PMFBP1: variants seen among roughly 807,000 people sequenced by gnomAD.
PMFBP1 encodes the protein polyamine-modulated factor 1-binding protein 1.
Under a neutral mutation model 137.8 loss-of-function variants are expected in PMFBP1, and 131 were observed. The observed-to-expected ratio is 0.95, with a 90% CI of 0.82 to 1.10. The LOEUF is 1.10. Ranked by LOEUF, PMFBP1 falls within the 50% of genes least tolerant of loss-of-function variation. The probability of loss-of-function intolerance (pLI) is 0.00; values close to 1 mark genes in which losing one functional copy is unlikely to be tolerated. For synonymous variants in PMFBP1, 490 were observed against 450.4 expected, an observed-to-expected ratio of 1.09 and a Z score of -1.11; for missense variants, 1,199 against 1,175.4, an observed-to-expected ratio of 1.02 and a Z score of -0.29.
At chr16:72,138,666 C>T (rs1489194831) in intron 7 of PMFBP1, among the ~76,000 whole-genome samples, 3 of 152,102 alleles carry the variant, frequency 2.0e-5, no homozygotes, top group South Asian at 4.2e-4. Context: ...CAGGTACCCA[C>T]CACCACACCT....
At chr16:72,189,959 G>C in the PMFBP1 span, among the ~76,000 whole-genome samples, 1 of 152,108 alleles carries the variant, frequency 6.6e-6, no homozygotes, top group Non-Finnish European at 1.5e-5. Flanking sequence ...GGGACTGGTT[G>C]AGTCATGAGT....
the PMFBP1 span, among the ~76,000 whole-genome samples, chr16:72,186,083 A>T: frequency 6.6e-6 from 1 of 152,136 alleles, no homozygotes; most frequent in Admixed American, 6.5e-5. Context: ...TCCCTCTGGG[A>T]CTATATGTTC....
chr16:72,202,139 A>T, the PMFBP1 span, among the ~76,000 whole-genome samples: 1 of 152,188 alleles, frequency 6.6e-6, no homozygotes, highest in Non-Finnish European at 1.5e-5. Context: ...TGAATGAATC[A>T]GTGAGTGAAT....
chr16:72,122,773 T>C (rs79536331), intron 19 of PMFBP1, 141 bp downstream of exon 19: 11,162 of 687,560 alleles, frequency 0.016, 121 homozygotes, highest in Non-Finnish European at 0.023. Context: ...TAGATGCAGA[T>C]TCGAGACCTG....
chr16:72,136,619 G>A lies in PMFBP1; in HGVS notation c.1046-14C>T, dbSNP rs1382159754. 8 of 1,613,950 alleles carry A rather than the reference G, an allele frequency of 5.0e-6. No individual in the cohort carries two copies. Among genetic ancestry groups the A allele is most frequent in the Non-Finnish European group, 6.8e-6 (8 of 1,179,982 alleles). On this transcript the variant is annotated splice_polypyrimidine_tract_variant and intron_variant, in intron 8 of 20. Coordinates refer to ENST00000237353, the MANE Select transcript of PMFBP1 (RefSeq NM_031293.3). The stretch of plus-strand genomic sequence containing the variant: ...GCTTCATCATGTCTACCATGGGGCG[G>A]GACAGAGTCTATGCTCAGGGGAGAG...
the PMFBP1 span, among the ~76,000 whole-genome samples, chr16:72,187,121 A>T: frequency 3.0e-3 from 453 of 152,046 alleles, 2 homozygotes; most frequent in African/African-American, 0.011. Flanking sequence ...TCAAAAAAAA[A>T]AAAAATAAAT....
upstream of PMFBP1, among the ~76,000 whole-genome samples, chr16:72,176,473 T>C (rs140659951): frequency 3.7e-4 from 56 of 152,324 alleles, no homozygotes; most frequent in African/African-American, 1.3e-3. Context: ...CTAGGTATGA[T>C]TATGTGTCTA....
the PMFBP1 span, among the ~76,000 whole-genome samples, chr16:72,223,907 C>T: frequency 6.6e-6 from 1 of 152,092 alleles, no homozygotes; most frequent in South Asian, 2.1e-4. Flanking sequence ...ACCTTAAAGG[C>T]CAGAGATCTA....
At chr16:72,123,092 T>A in intron 18 of PMFBP1, 104 bp from the exon 19 acceptor site, 3 of 1,030,398 alleles carry the variant, frequency 2.9e-6, no homozygotes, top group Non-Finnish European at 4.4e-6. Flanking sequence ...AGACTGCTGC[T>A]GCATCCCACG....
At chr16:72,147,701 A>G (rs565895835) in intron 5 of PMFBP1, among the ~76,000 whole-genome samples, 32 of 151,974 alleles carry the variant, frequency 2.1e-4, no homozygotes, top group Admixed American at 4.6e-4. Context: ...CCATCAAAAA[A>G]TGGGCAAAGG....
At chr16:72,163,513 G>C (rs1387446867) in intron 3 of PMFBP1, among the ~76,000 whole-genome samples, 1 of 152,232 alleles carries the variant, frequency 6.6e-6, no homozygotes, top group African/African-American at 2.4e-5. Context: ...GCTACTGAGT[G>C]TCTTCACTTG....
At chr16:72,240,530 T>C in the PMFBP1 span, among the ~76,000 whole-genome samples, 1 of 152,248 alleles carries the variant, frequency 6.6e-6, no homozygotes, top group East Asian at 1.9e-4. Flanking sequence ...CCATATTCTA[T>C]TTTATTCCTT....
the PMFBP1 span, among the ~76,000 whole-genome samples, chr16:72,206,760 ACC>A: frequency 6.6e-6 from 1 of 152,196 alleles, no homozygotes; most frequent in Non-Finnish European, 1.5e-5. Flanking sequence ...GCCAACGATT[ACC>A]GTAGCTAAAA....
chr16:72,240,092 T>C, the PMFBP1 span, among the ~76,000 whole-genome samples: 5 of 151,904 alleles, frequency 3.3e-5, no homozygotes, highest in Non-Finnish European at 5.9e-5. Flanking sequence ...ATTAGTCCAA[T>C]AGGAGGGAGG....
the PMFBP1 span, among the ~76,000 whole-genome samples, chr16:72,247,959 A>G: frequency 6.6e-6 from 1 of 152,212 alleles, no homozygotes; most frequent in Non-Finnish European, 1.5e-5. Context: ...TTCTTTGCTA[A>G]CACACTACTT....
chr16:72,205,835 T>G, the PMFBP1 span, among the ~76,000 whole-genome samples: 1 of 152,162 alleles, frequency 6.6e-6, no homozygotes, highest in Non-Finnish European at 1.5e-5. Context: ...CTTGATGCCC[T>G]TGGCATAACC....
At chr16:72,119,536 G>A in intron 20 of PMFBP1, 182 bp from the exon 21 acceptor site, 2 of 1,474,196 alleles carry the variant, frequency 1.4e-6, no homozygotes, top group South Asian at 1.4e-5. Flanking sequence ...AGGTGGCTGG[G>A]GTGCTCTTAC....
chr16:72,123,597 C>A lies in PMFBP1; in HGVS notation c.2642G>T (p.Arg881Leu), dbSNP rs769293377. ...SVPKDTCRLY[R>L]GNDQIMTNLE... ...GTTGGTCATAATCTGATCATTCCCT[C>A]GGTAGAGCCTACAGGTGTCTTTGGG... The change falls in exon 18 of 21, where the codon CGA becomes CTA. Residue 881 changes from arginine (R) to leucine (L), a missense_variant. Coordinates refer to ENST00000237353, the MANE Select transcript of PMFBP1 (RefSeq NM_031293.3). 3.7e-6 allele frequency: 6 copies of A among 1,614,034 alleles called. No homozygotes were observed. The highest frequency in any genetic ancestry group is 1.3e-5 in the African/African-American group (1 of 74,930).
chr16:72,245,728 G>C, the PMFBP1 span, among the ~76,000 whole-genome samples: 99 of 152,134 alleles, frequency 6.5e-4, no homozygotes, highest in Admixed American at 1.9e-3. Flanking sequence ...CGGTCTGTAC[G>C]GTGCCCTTCC....
Sources: allele counts gnomAD v4.1 joint callset (sites outside exome capture counted in the v4.1 genomes callset), GRCh38; gene constraint gnomAD v4.1.1; transcripts MANE v1.5; gene names NCBI Gene and HGNC (gene_info 2026-07-23, HGNC 2026-07-21).